Variants in TAFA2 observed in about 807,000 individuals in gnomAD.
The protein encoded by TAFA2 is chemokine-like protein TAFA-2.
A neutral mutation model predicts 18.8 loss-of-function variants in TAFA2; 7 were observed. The observed-to-expected ratio is 0.37, with a 90% CI of 0.21 to 0.70. The LOEUF is 0.70. Ranked by LOEUF, TAFA2 falls within the 30% of genes least tolerant of loss-of-function variation. The probability of loss-of-function intolerance (pLI) is 0.53; values close to 1 mark genes in which losing one functional copy is unlikely to be tolerated. For synonymous variants in TAFA2, 60 were observed against 54.2 expected, an observed-to-expected ratio of 1.11 and a Z score of -0.47; for missense variants, 122 against 158.1, an observed-to-expected ratio of 0.77 and a Z score of 1.23.
chr12:62,132,535 C>T (rs114351616), intron 1 of TAFA2, among the ~76,000 whole-genome samples: 2,757 of 151,928 alleles, frequency 0.018, 79 homozygotes, highest in African/African-American at 0.061. Flanking sequence ...TTAATAAATA[C>T]AATTATCTCC....
chr12:61,878,916 C>A (rs1454318044), intron 1 of TAFA2, among the ~76,000 whole-genome samples: 1 of 152,144 alleles, frequency 6.6e-6, no homozygotes, highest in Non-Finnish European at 1.5e-5. Context: ...ATGAGGCTGG[C>A]AGATGGAATC....
At chr12:62,100,829 A>G (rs1869165072) in intron 1 of TAFA2, among the ~76,000 whole-genome samples, 1 of 152,188 alleles carries the variant, frequency 6.6e-6, no homozygotes, top group South Asian at 2.1e-4. Context: ...TTGCAAATGT[A>G]CAATGCCCAA....
chr12:62,143,909 A>G (rs1358213282), intron 1 of TAFA2, among the ~76,000 whole-genome samples: 1 of 151,860 alleles, frequency 6.6e-6, no homozygotes. Flanking sequence ...TTAGCTGAGC[A>G]TGGTGGCACA....
chr12:62,242,624 A>G (rs1245699139), intron 1 of TAFA2: 2 of 152,432 alleles, frequency 1.3e-5, no homozygotes, highest in Non-Finnish European at 2.9e-5. Context: ...AGGAATGACA[A>G]GATGTAGATA....
At chr12:61,744,751 A>G (rs1317472828) in intron 4 of TAFA2, among the ~76,000 whole-genome samples, 2 of 151,778 alleles carry the variant, frequency 1.3e-5, no homozygotes, top group East Asian at 3.9e-4. Flanking sequence ...GGGTCTCACT[A>G]TGTTGCCCAT....
intron 1 of TAFA2, among the ~76,000 whole-genome samples, chr12:62,007,516 T>C (rs1366266978): frequency 6.6e-6 from 1 of 152,212 alleles, no homozygotes; most frequent in African/African-American, 2.4e-5. Context: ...GATGAATGGA[T>C]AAGTAAATGA....
chr12:61,862,535 T>C (rs1874171830), intron 2 of TAFA2, among the ~76,000 whole-genome samples: 1 of 152,242 alleles, frequency 6.6e-6, no homozygotes, highest in Non-Finnish European at 1.5e-5. Context: ...TATCCATTGG[T>C]GGCTCTTAAG....
intron 1 of TAFA2, among the ~76,000 whole-genome samples, chr12:62,113,797 GA>G: frequency 6.6e-6 from 1 of 152,226 alleles, no homozygotes; most frequent in Middle Eastern, 3.4e-3. Flanking sequence ...CAATGTGAGG[GA>G]AAAACCACCT....
intron 2 of TAFA2, among the ~76,000 whole-genome samples, chr12:61,811,344 G>A (rs1441884036): frequency 6.6e-6 from 1 of 151,382 alleles, no homozygotes; most frequent in Non-Finnish European, 1.5e-5. Flanking sequence ...AGTTGGCAGA[G>A]AAGGGATTTA....
intron 1 of TAFA2, among the ~76,000 whole-genome samples, chr12:61,982,890 A>AAAAAAAAAAAAAAAAAAAAAC (rs1879687608): frequency 6.6e-6 from 1 of 151,794 alleles, no homozygotes; most frequent in Non-Finnish European, 1.5e-5. Flanking sequence ...AAAAAAAAAA[A>AAAAAAAAAAAAAAAAAAAAAC]AAAAGTTACT....
At chr12:61,714,488 C>A (rs1869556828) in intron 4 of TAFA2, among the ~76,000 whole-genome samples, 1 of 152,168 alleles carries the variant, frequency 6.6e-6, no homozygotes, top group Non-Finnish European at 1.5e-5. Context: ...AAGATCAAGG[C>A]ACCCACTTAT....
intron 1 of TAFA2, among the ~76,000 whole-genome samples, chr12:62,175,681 T>C (rs747474412): frequency 6.6e-6 from 1 of 152,126 alleles, no homozygotes; most frequent in Non-Finnish European, 1.5e-5. Flanking sequence ...ACTGAATCTA[T>C]TCTTTCAAAA....
intron 1 of TAFA2, among the ~76,000 whole-genome samples, chr12:61,868,010 C>T (rs1322617204): frequency 1.3e-5 from 2 of 152,034 alleles, no homozygotes; most frequent in African/African-American, 4.8e-5. Context: ...TTGTTGGACT[C>T]CACCTTGATG....
chr12:61,853,799 G>A (rs1004316392), intron 2 of TAFA2, among the ~76,000 whole-genome samples: 15 of 152,052 alleles, frequency 9.9e-5, no homozygotes, highest in African/African-American at 3.6e-4. Flanking sequence ...CTCTGAACTG[G>A]GAAACACAAG....
intron 1 of TAFA2, among the ~76,000 whole-genome samples, chr12:61,931,776 T>G (rs1199698932): frequency 6.6e-6 from 1 of 152,214 alleles, no homozygotes; most frequent in East Asian, 1.9e-4. Context: ...TTTATCAGAT[T>G]AATTATCTTC....
intron 1 of TAFA2, among the ~76,000 whole-genome samples, chr12:62,163,477 A>G (rs575281649): frequency 1.3e-5 from 2 of 152,246 alleles, no homozygotes; most frequent in Admixed American, 6.5e-5. Context: ...TTTGTTCTCA[A>G]GTCCTTAACT....
intron 1 of TAFA2, among the ~76,000 whole-genome samples, chr12:62,217,202 G>A (rs1411107026): frequency 6.6e-6 from 1 of 152,196 alleles, no homozygotes; most frequent in Non-Finnish European, 1.5e-5. Flanking sequence ...GCAGCAGACA[G>A]CCCTGCAGCA....
chr12:62,150,901 AC>A (rs2062323793), intron 1 of TAFA2, among the ~76,000 whole-genome samples: 1 of 151,420 alleles, frequency 6.6e-6, no homozygotes, highest in Non-Finnish European at 1.5e-5. Context: ...AAAAAAAAAA[AC>A]TGCTTCATCC....
At chr12:62,065,428 C>T (rs1882458827) in intron 1 of TAFA2, among the ~76,000 whole-genome samples, 1 of 152,002 alleles carries the variant, frequency 6.6e-6, no homozygotes, top group African/African-American at 2.4e-5. Flanking sequence ...AGCAGAGAGC[C>T]TCTTGGCTCT....
Sources: allele counts gnomAD v4.1 joint callset (sites outside exome capture counted in the v4.1 genomes callset), GRCh38; gene constraint gnomAD v4.1.1; transcripts MANE v1.5; gene names NCBI Gene and HGNC (gene_info 2026-07-23, HGNC 2026-07-21).